ZBTB20: variants seen among roughly 807,000 people sequenced by gnomAD.
ZBTB20 encodes zinc finger and BTB domain-containing protein 20.
ZBTB20 carries 9 observed loss-of-function variants against 56.9 expected under a neutral mutation model. That is an observed-to-expected ratio of 0.16 (90% CI 0.10 to 0.28). ZBTB20 has a LOEUF of 0.28. Among genes scored for constraint, ZBTB20 ranks in the 10% least tolerant of loss-of-function variants. ZBTB20 has a pLI of 1.00. For synonymous variants in ZBTB20, 417 were observed against 420.7 expected (o/e 0.99, Z 0.11); for missense variants, 655 against 1,003.0 (o/e 0.65, Z 4.69).
At chr3:114,756,629 T>C (rs1275137789) in intron 5 of ZBTB20, among the ~76,000 whole-genome samples, 1 of 152,142 alleles carries the variant, frequency 6.6e-6, no homozygotes, top group Non-Finnish European at 1.5e-5. Context: ...TTTAAGTAAA[T>C]ACTTTTCATT....
chr3:114,569,226 T>C (rs906375151), intron 6 of ZBTB20, among the ~76,000 whole-genome samples: 5 of 152,122 alleles, frequency 3.3e-5, no homozygotes, highest in African/African-American at 1.2e-4. Context: ...CCATAATAGG[T>C]GAGATGATTC....
intron 6 of ZBTB20, among the ~76,000 whole-genome samples, chr3:114,597,365 G>A (rs1035893275): frequency 4.6e-5 from 7 of 152,062 alleles, no homozygotes; most frequent in Non-Finnish European, 8.8e-5. Context: ...TAACTAGAAC[G>A]ACCAAGTATT....
chr3:115,025,247 T>A (rs775912324), intron 2 of ZBTB20, among the ~76,000 whole-genome samples: 28 of 151,318 alleles, frequency 1.9e-4, no homozygotes, highest in Admixed American at 6.6e-5. Flanking sequence ...CTTACAGCCC[T>A]ATCCATCCAT....
intron 6 of ZBTB20, among the ~76,000 whole-genome samples, chr3:114,689,492 C>A (rs2062568267): frequency 6.6e-6 from 1 of 152,014 alleles, no homozygotes; most frequent in Non-Finnish European, 1.5e-5. Flanking sequence ...TAAGAAATGT[C>A]TTATAGCTTG....
intron 5 of ZBTB20, among the ~76,000 whole-genome samples, chr3:114,726,763 T>G (rs982564793): frequency 1.3e-5 from 2 of 151,408 alleles, no homozygotes; most frequent in African/African-American, 4.9e-5. Flanking sequence ...ATACAAAAAT[T>G]TAGCCAGGCA....
At chr3:114,755,048 G>A (rs1450929687) in intron 5 of ZBTB20, among the ~76,000 whole-genome samples, 3 of 152,118 alleles carry the variant, frequency 2.0e-5, no homozygotes, top group East Asian at 1.9e-4. Flanking sequence ...CATTCTCAGA[G>A]CTTCTGATTT....
intron 6 of ZBTB20, among the ~76,000 whole-genome samples, chr3:114,608,346 C>G (rs2057319909): frequency 6.6e-6 from 1 of 152,104 alleles, no homozygotes; most frequent in Non-Finnish European, 1.5e-5. Flanking sequence ...TACCAATTGA[C>G]TAGTTTCTTG....
At chr3:114,986,369 T>A (rs996827440) in intron 2 of ZBTB20, among the ~76,000 whole-genome samples, 4 of 152,114 alleles carry the variant, frequency 2.6e-5, no homozygotes, top group Non-Finnish European at 4.4e-5. Context: ...CAACAAACAC[T>A]CGGTTGAAGT....
chr3:114,889,054 A>G (rs1193672989), intron 4 of ZBTB20, among the ~76,000 whole-genome samples: 1 of 152,076 alleles, frequency 6.6e-6, no homozygotes, highest in African/African-American at 2.4e-5. Context: ...TTTTAAAAAT[A>G]TATTTTTAAA....
intron 3 of ZBTB20, among the ~76,000 whole-genome samples, chr3:114,939,336 C>T (rs2076653443): frequency 6.8e-6 from 1 of 146,184 alleles, no homozygotes; most frequent in Admixed American, 6.6e-5. Context: ...GATTAAGCAG[C>T]TATAGTATGT....
chr3:114,796,305 T>C (rs1471545003), intron 5 of ZBTB20, among the ~76,000 whole-genome samples: 3 of 151,934 alleles, frequency 2.0e-5, no homozygotes, highest in Non-Finnish European at 4.4e-5. Context: ...GCTGGAACAA[T>C]ATGAATAAAG....
intron 6 of ZBTB20, among the ~76,000 whole-genome samples, chr3:114,680,286 TAA>T (rs2108243032): frequency 6.6e-6 from 1 of 152,212 alleles, no homozygotes; most frequent in East Asian, 1.9e-4. Context: ...AAGTATAACT[TAA>T]AAGTTTTTTT....
intron 4 of ZBTB20, among the ~76,000 whole-genome samples, chr3:114,893,010 C>T (rs1310668437): frequency 1.3e-5 from 2 of 152,148 alleles, no homozygotes; most frequent in African/African-American, 2.4e-5. Flanking sequence ...TGAAACAGCC[C>T]AATTTTGTGA....
chr3:114,988,178 T>A (rs942372434), intron 2 of ZBTB20, among the ~76,000 whole-genome samples: 5 of 150,874 alleles, frequency 3.3e-5, no homozygotes, highest in African/African-American at 1.2e-4. Flanking sequence ...ACATGTACCA[T>A]GTTGGTGTGC....
chr3:114,653,775 T>C (rs1263005783), intron 6 of ZBTB20, among the ~76,000 whole-genome samples: 1 of 151,986 alleles, frequency 6.6e-6, no homozygotes, highest in African/African-American at 2.4e-5. Context: ...AGGAATGCTT[T>C]TGACGACAAA....
At chr3:114,380,180 C>A in intron 10 of ZBTB20, 37 bp downstream of exon 10, 1 of 1,499,200 alleles carries the variant, frequency 6.7e-7, no homozygotes, top group Non-Finnish European at 8.9e-7. Context: ...CTACTCCAAG[C>A]ACTGCAAAGA....
intron 1 of ZBTB20, chr3:115,100,725 T>C (rs1435228503): frequency 6.6e-6 from 1 of 152,214 alleles, no homozygotes; most frequent in East Asian, 1.9e-4. Flanking sequence ...CATAAATACA[T>C]TTTTTGCATA....
rs770544064 is a variant in ZBTB20 at position 114,351,640 on chromosome 3, C to T, written c.438G>A (p.Val146=). ...GYSDIEIPSV[V]SVQSVQKLID... ...TGAGCTTTTGCACTGACTGCACTGA[C>T]ACCACCGACGGGATCTCGATGTCGC... The change falls in exon 11 of 12, where the codon GTG becomes GTA. Residue 146 remains valine (V), a synonymous_variant. Transcript: ENST00000675478. 1 of 1,614,058 alleles carries T rather than the reference C, an allele frequency of 6.2e-7. No individual in the cohort carries two copies. Among genetic ancestry groups the T allele is most frequent in the Non-Finnish European group, 8.5e-7 (1 of 1,180,018 alleles).
chr3:114,788,066 C>A (rs1027489532), intron 5 of ZBTB20, among the ~76,000 whole-genome samples: 1 of 152,048 alleles, frequency 6.6e-6, no homozygotes, highest in Non-Finnish European at 1.5e-5. Flanking sequence ...AATAAATTAC[C>A]ATATTTCATA....
Sources: allele counts gnomAD v4.1 joint callset (sites outside exome capture counted in the v4.1 genomes callset), GRCh38; gene constraint gnomAD v4.1.1; transcripts MANE v1.5; gene names NCBI Gene and HGNC (gene_info 2026-07-23, HGNC 2026-07-21).